STK3: variants seen among roughly 807,000 people sequenced by gnomAD.
STK3 encodes serine/threonine-protein kinase 3.
In STK3, 41 loss-of-function variants were observed where a neutral mutation model predicts 58.0. That is an observed-to-expected ratio of 0.71 (90% confidence interval 0.55 to 0.92). The LOEUF (loss-of-function observed/expected upper bound fraction) is 0.92. Ranked by LOEUF, STK3 falls within the 40% of genes least tolerant of loss-of-function variation. The pLI is 0.00. For synonymous variants in STK3, 170 were observed against 191.0 expected, an observed-to-expected ratio of 0.89 and a Z score of 0.91; for missense variants, 479 against 602.7, an observed-to-expected ratio of 0.79 and a Z score of 2.15.
At chr8:98,579,593 A>G in intron 8 of STK3, 71 bp downstream of exon 8, 1 of 1,524,162 alleles carries the variant, frequency 6.6e-7, no homozygotes, top group Non-Finnish European at 8.8e-7. Flanking sequence ...AGTGCTTTTA[A>G]TATATTTTAA....
intron 1 of STK3, among the ~76,000 whole-genome samples, chr8:98,893,487 AGAAAG>A (rs1564087320): frequency 1.4e-4 from 4 of 27,770 alleles, no homozygotes; most frequent in Non-Finnish European, 2.8e-4. Context: ...AGAAAGAAAG[AGAAAG>A]AAAGAAAGAA....
intron 4 of STK3, among the ~76,000 whole-genome samples, chr8:98,716,969 T>C (rs1254242832): frequency 6.6e-6 from 1 of 152,132 alleles, no homozygotes; most frequent in African/African-American, 2.4e-5. Flanking sequence ...GATATCCGTG[T>C]GCTAAAGAAT....
At chr8:98,590,122 C>T (rs566566777) in intron 7 of STK3, among the ~76,000 whole-genome samples, 103 of 152,292 alleles carry the variant, frequency 6.8e-4, no homozygotes, top group Non-Finnish European at 1.2e-3. Flanking sequence ...TTGGCTCCTC[C>T]GAAAATCTTC....
rs532706444 is a variant in STK3 at position 98,871,115 on chromosome 8, T to G, written c.110+12532A>C. Among the ~76,000 whole-genome samples, 1,438 of 152,254 alleles carry G rather than the reference T, an allele frequency of 9.4e-3. 15 individuals carry two copies. The highest frequency in any genetic ancestry group is 0.029 in the South Asian group (140 of 4,822). On this transcript the variant is annotated intron_variant, in intron 3 of 12. Coordinates refer to the STK3 transcript ENST00000523601. ...TTAAATAGGGAATCCTTTCCCCATT[T>G]CTTGTTTTTGTCATGTTTGTCAAAG...
chr8:98,406,280 A>AT (rs1248594967), intron 3 of STK3, among the ~76,000 whole-genome samples: 3 of 49,298 alleles, frequency 6.1e-5, no homozygotes, highest in African/African-American at 1.9e-4. Flanking sequence ...ATTTTATTTT[A>AT]TTTTATTTTA....
intron 10 of STK3, among the ~76,000 whole-genome samples, chr8:98,500,744 C>A (rs985558526): frequency 6.6e-6 from 1 of 152,126 alleles, no homozygotes; most frequent in Non-Finnish European, 1.5e-5. Context: ...GAACTCATCC[C>A]TTTTTTATGG....
At chr8:98,427,936 A>G (rs777825161) in intron 3 of STK3, 50 of 1,426,972 alleles carry the variant, frequency 3.5e-5, no homozygotes, top group Non-Finnish European at 4.3e-5. Context: ...CTCCGCTTCC[A>G]GGTGTAGCGC....
At chr8:98,713,402 G>C (rs1826698296) in intron 4 of STK3, among the ~76,000 whole-genome samples, 1 of 151,896 alleles carries the variant, frequency 6.6e-6, no homozygotes, top group Non-Finnish European at 1.5e-5. Context: ...ATAGAAAAGA[G>C]AGAAGAATCA....
chr8:98,767,476 C>T, intron 2 of STK3, 105 bp from the exon 3 acceptor site: 2 of 1,046,446 alleles, frequency 1.9e-6, no homozygotes, highest in Non-Finnish European at 2.6e-6. Flanking sequence ...GTTTAAAACA[C>T]TATTTAAATG....
At chr8:98,607,940 T>C (rs1586997199) in intron 6 of STK3, among the ~76,000 whole-genome samples, 1 of 152,164 alleles carries the variant, frequency 6.6e-6, no homozygotes, top group Non-Finnish European at 1.5e-5. Flanking sequence ...AAATGACAAA[T>C]ACATGACATT....
upstream of STK3, among the ~76,000 whole-genome samples, chr8:98,828,640 A>C (rs1199360516): frequency 6.6e-6 from 1 of 151,852 alleles, no homozygotes; most frequent in African/African-American, 2.4e-5. Flanking sequence ...AAGGAAGGAA[A>C]GAGAGAAAGA....
At chr8:98,590,570 C>T (rs58076033) in intron 7 of STK3, among the ~76,000 whole-genome samples, 2,691 of 152,256 alleles carry the variant, frequency 0.018, 76 homozygotes, top group African/African-American at 0.062. Context: ...AGCAGGAGGA[C>T]GGGGGATTGA....
intron 1 of STK3, among the ~76,000 whole-genome samples, chr8:98,934,433 G>A (rs1287837623): frequency 2.6e-5 from 4 of 152,164 alleles, no homozygotes; most frequent in Non-Finnish European, 5.9e-5. Context: ...CCCACTCTAA[G>A]AAGAAAGCTG....
At chr8:98,777,886 G>A (rs1465259860) in intron 1 of STK3, among the ~76,000 whole-genome samples, 1 of 152,132 alleles carries the variant, frequency 6.6e-6, no homozygotes, top group Non-Finnish European at 1.5e-5. Flanking sequence ...ATTCAAGATG[G>A]ATTAAAGATT....
At position 98,644,577 on chromosome 8, in the gene STK3, T is replaced by A. The variant is rs117489390; in HGVS notation, c.685-48408A>T. The stretch of plus-strand genomic sequence containing the variant: ...AAATGCAACAGAAATTATAATCACA[T>A]CATAACTTAAGCTTTAAATTATTCA... On this transcript the variant is annotated intron_variant, in intron 6 of 10. Transcript: ENST00000419617. Among the ~76,000 whole-genome samples, 47 of 152,276 alleles carry A rather than the reference T, an allele frequency of 3.1e-4. No homozygotes were observed. The East Asian group carries it at 9.1e-3, about 29-fold the overall frequency.
intron 6 of STK3, among the ~76,000 whole-genome samples, chr8:98,619,157 G>A (rs1460778972): frequency 6.0e-5 from 9 of 151,182 alleles, no homozygotes; most frequent in Admixed American, 3.3e-4. Flanking sequence ...CAGAAGTAAC[G>A]CCGCATACCT....
At chr8:98,474,731 T>C (rs1047651563) in intron 10 of STK3, among the ~76,000 whole-genome samples, 1 of 152,158 alleles carries the variant, frequency 6.6e-6, no homozygotes, top group African/African-American at 2.4e-5. Context: ...CCTGGTCAAA[T>C]TTTCCCTGTA....
chr8:98,884,063 AGG>A (rs1233037292), intron 1 of STK3, among the ~76,000 whole-genome samples: 10 of 152,178 alleles, frequency 6.6e-5, no homozygotes, highest in African/African-American at 2.4e-4. Context: ...AAATCTTCCA[AGG>A]TAGCACTTAT....
At chr8:98,809,749 C>T (rs529430349) in intron 1 of STK3, among the ~76,000 whole-genome samples, 6 of 152,270 alleles carry the variant, frequency 3.9e-5, no homozygotes, top group Middle Eastern at 6.8e-3. Context: ...CTGGTGGACA[C>T]GTGAGTTGCT....
Sources: allele counts gnomAD v4.1 joint callset (sites outside exome capture counted in the v4.1 genomes callset), GRCh38; gene constraint gnomAD v4.1.1; transcripts MANE v1.5; gene names NCBI Gene and HGNC (gene_info 2026-07-23, HGNC 2026-07-21).